The following ADIPOR1 variants were observed in gnomAD, a reference collection of about 807,000 sequenced individuals.
ADIPOR1 encodes the protein adiponectin receptor protein 1.
Under a neutral mutation model 37.5 loss-of-function variants are expected in ADIPOR1, and 15 were observed. The ratio of observed to expected loss-of-function variants is 0.40; its 90% CI spans 0.27 to 0.62. ADIPOR1 has a LOEUF of 0.62. Ranked by LOEUF, ADIPOR1 falls within the 20% of genes least tolerant of loss-of-function variation. ADIPOR1 has a pLI of 0.42. For synonymous variants in ADIPOR1, 173 were observed against 173.2 expected, an observed-to-expected ratio of 1.00 and a Z score of 0.01; for missense variants, 286 against 478.0, an observed-to-expected ratio of 0.60 and a Z score of 3.75.
chr1:202,944,759 C>T (rs955190012), intron 5 of ADIPOR1: 2 of 365,868 alleles, frequency 5.5e-6, no homozygotes, highest in Admixed American at 4.2e-5. Context: ...ATATATTCCA[C>T]AATTGGTCTC....
intron 1 of ADIPOR1, among the ~76,000 whole-genome samples, chr1:202,957,321 C>G (rs558253999): frequency 3.3e-5 from 5 of 152,058 alleles, no homozygotes; most frequent in African/African-American, 1.2e-4. Context: ...ATTTTCTAGC[C>G]CGTCTTCTGA....
chr1:202,949,579 CA>C (rs57643319), intron 2 of ADIPOR1, among the ~76,000 whole-genome samples: 7,057 of 99,034 alleles, frequency 0.071, 211 homozygotes, highest in East Asian at 0.16. Flanking sequence ...ACTCTGTCTC[CA>C]AAAAAAAAAA....
In ADIPOR1 at chr1:202,941,516, G is replaced by C; in HGVS notation, c.*57C>G. On this transcript the variant is annotated 3_prime_UTR_variant, in exon 8 of 8. Transcript: ENST00000340990. ...AGACTCTTCCTCTCACTTCAGCAAA[G>C]AAGTTATTTTTAAAAGCACTTGGGA... 2 of 1,563,784 alleles carry C rather than the reference G, an allele frequency of 1.3e-6. No individual in the cohort carries two copies. The highest frequency in any genetic ancestry group is 2.3e-5 in the East Asian group (1 of 44,126).
intron 7 of ADIPOR1, 96 bp from the exon 8 acceptor site, chr1:202,941,797 T>C: frequency 6.9e-7 from 1 of 1,459,360 alleles, no homozygotes; most frequent in Non-Finnish European, 9.2e-7. Flanking sequence ...TTATCCTTAA[T>C]TAAACAAATT....
Position 202,943,702 on chromosome 1 carries a change from C to T in ADIPOR1, c.805+56G>A, listed in dbSNP as rs1206887999. ...ACCTTAAGGCTCAAATAGGTTTGAG[C>T]CTATCAGGCCTAAGGTCTAAATACC... On this transcript the variant is annotated intron_variant, in intron 6 of 7. Transcript: ENST00000340990. 11 of 1,553,296 alleles carry T rather than the reference C, an allele frequency of 7.1e-6. No homozygotes were observed. The African/African-American group carries it at 9.5e-5, about 13-fold the overall frequency.
intron 4 of ADIPOR1, 117 bp downstream of exon 4, chr1:202,946,322 G>A: frequency 8.1e-7 from 1 of 1,229,296 alleles, no homozygotes; most frequent in Non-Finnish European, 1.2e-6. Context: ...AAAGTCATTA[G>A]TAGTTTAAAG....
At chr1:202,957,209 G>A (rs902949400) in intron 1 of ADIPOR1, among the ~76,000 whole-genome samples, 1 of 152,176 alleles carries the variant, frequency 6.6e-6, no homozygotes, top group African/African-American at 2.4e-5. Context: ...ACTAGGAAAA[G>A]AGAAAAGCAG....
rs765136165 is a variant in ADIPOR1, at chr1:202,946,624, A to C, written c.259-14T>G. 6.2e-7 allele frequency: 1 copy of C among 1,613,616 alleles called. No homozygotes were observed. Among genetic ancestry groups the C allele is most frequent in the African/African-American group, 1.3e-5 (1 of 74,890 alleles). ...TCCCTCCCAGACCTAGAACATATAC[A>C]CTTTCTCTGGGTAGGGCACTAGATA... On this transcript the variant is annotated splice_polypyrimidine_tract_variant and intron_variant, in intron 3 of 7. Transcript: ENST00000340990.
chr1:202,956,797 C>T (rs940871895), intron 1 of ADIPOR1, among the ~76,000 whole-genome samples: 1 of 152,124 alleles, frequency 6.6e-6, no homozygotes, highest in Admixed American at 6.6e-5. Context: ...TGAAAATAGC[C>T]TAAAAGCCTA....
intron 5 of ADIPOR1, 53 bp from the exon 6 acceptor site, chr1:202,943,998 G>T: frequency 6.7e-7 from 1 of 1,493,692 alleles, no homozygotes; most frequent in Non-Finnish European, 9.2e-7. Context: ...GAATTTGTAT[G>T]GCTCATTTAA....
chr1:202,941,819 T>C (rs1312809822), intron 7 of ADIPOR1, 118 bp from the exon 8 acceptor site: 3 of 1,348,130 alleles, frequency 2.2e-6, no homozygotes, highest in Admixed American at 2.6e-5. Context: ...GTTAATAACA[T>C]TAAAGTGGTA....
chr1:202,958,147 CG>C (rs1214506559), intron 1 of ADIPOR1, 37 bp downstream of exon 1: 1 of 152,186 alleles, frequency 6.6e-6, no homozygotes, highest in Non-Finnish European at 1.5e-5. Context: ...GCGCTCCCGC[CG>C]AGTCCCTGCC....
rs1558011855 is a variant in ADIPOR1 at position 202,946,580 on chromosome 1, A to G, written c.289T>C (p.Tyr97His). The change falls in exon 4 of 8, where the codon TAT becomes CAT. Residue 97 changes from tyrosine (Y) to histidine (H), a missense_variant. Tyr to His is a moderately conservative substitution (Grantham distance 83, BLOSUM62 2). Transcript: ENST00000340990. ...VWEGRWRVIPYDVLPDWLKDN... is the reference protein window; with the variant it reads ...VWEGRWRVIPHDVLPDWLKDN... ...TTTAGCCAGTCAGGGAGCACATCAT[A>G]TGGGATGACCCTCCAACGTCCCTCC... 2 of 1,614,090 alleles carry G rather than the reference A, an allele frequency of 1.2e-6. No homozygotes were observed. Among genetic ancestry groups the G allele is most frequent in the Non-Finnish European group, 1.7e-6 (2 of 1,180,030 alleles).
In ADIPOR1 at chr1:202,945,186, T is replaced by A; in HGVS notation, c.431-17A>T. Reference sequence around the variant, plus strand: ...GCACGAAACCTGCAGGAGGGTAAAATAAAAAAAACCTGTAAGAAAAAAGGG... The same window carrying A: ...GCACGAAACCTGCAGGAGGGTAAAAAAAAAAAAACCTGTAAGAAAAAAGGG... On this transcript the variant is annotated splice_polypyrimidine_tract_variant and intron_variant, in intron 4 of 7. Transcript: ENST00000340990. 6.4e-7 allele frequency: 1 copy of A among 1,565,284 alleles called. No individual in the cohort carries two copies. The highest frequency in any genetic ancestry group is 1.4e-5 in the African/African-American group (1 of 72,312).
At chr1:202,951,502 C>G (rs1233008474) in intron 1 of ADIPOR1, among the ~76,000 whole-genome samples, 2 of 152,178 alleles carry the variant, frequency 1.3e-5, no homozygotes, top group Non-Finnish European at 2.9e-5. Flanking sequence ...AGAAGAATCT[C>G]ATCTATCACT....
chr1:202,956,765 A>G (rs1359528671), intron 1 of ADIPOR1, among the ~76,000 whole-genome samples: 1 of 152,192 alleles, frequency 6.6e-6, no homozygotes, highest in Non-Finnish European at 1.5e-5. Context: ...GGAAAGGTAA[A>G]ATGAGGCCAG....
intron 3 of ADIPOR1, 122 bp from the exon 4 acceptor site, chr1:202,946,732 G>T (rs1654337502): frequency 1.0e-6 from 1 of 955,710 alleles, no homozygotes; most frequent in Non-Finnish European, 1.6e-6. Flanking sequence ...AGGTAATAGT[G>T]GAGAACCAGC....
chr1:202,944,899 G>A (rs750164128), intron 5 of ADIPOR1, 84 bp downstream of exon 5: 3 of 1,327,924 alleles, frequency 2.3e-6, no homozygotes, highest in Non-Finnish European at 3.1e-6. Flanking sequence ...GGAGTGATAT[G>A]AGCTCCTATC....
At chr1:202,943,686 C>G (rs1187963797) in intron 6 of ADIPOR1, 72 bp downstream of exon 6, 1 of 1,510,690 alleles carries the variant, frequency 6.6e-7, no homozygotes, top group African/African-American at 1.4e-5. Flanking sequence ...AACCTTAAGG[C>G]TCAAATAGGT....
Sources: allele counts gnomAD v4.1 joint callset (sites outside exome capture counted in the v4.1 genomes callset), GRCh38; gene constraint gnomAD v4.1.1; transcripts MANE v1.5; gene names NCBI Gene and HGNC (gene_info 2026-07-23, HGNC 2026-07-21).